The following LGR5 variants were observed in gnomAD, a reference collection of about 807,000 sequenced individuals.
LGR5 encodes leucine rich repeat containing G protein-coupled receptor 5.
A neutral mutation model predicts 76.7 loss-of-function variants in LGR5; 54 were observed. The ratio of observed to expected loss-of-function variants is 0.70; its 90% CI spans 0.57 to 0.88. LGR5 has a LOEUF of 0.88. Ranked by LOEUF, LGR5 falls within the 40% of genes least tolerant of loss-of-function variation. The pLI, the probability that LGR5 is intolerant of heterozygous loss-of-function variation, is 0.00. For missense variants in LGR5, 1,078 were observed against 1,073.3 expected, an observed-to-expected ratio of 1.00 and a Z score of -0.06; for synonymous variants, 406 against 421.9, an observed-to-expected ratio of 0.96 and a Z score of 0.46.
intron 4 of LGR5, among the ~76,000 whole-genome samples, chr12:71,545,335 C>G (rs1565740108): frequency 1.3e-5 from 2 of 152,086 alleles, no homozygotes; most frequent in Admixed American, 1.3e-4. Flanking sequence ...GTGGTCCCAG[C>G]TGCTCTGCTG....
At chr12:71,556,833 C>T (rs998526365) in intron 6 of LGR5, 143 bp downstream of exon 6, 4 of 664,172 alleles carry the variant, frequency 6.0e-6, no homozygotes, top group South Asian at 3.6e-5. Context: ...CATTATCTTA[C>T]ACACACAACC....
At chr12:71,531,646 TC>T (rs1399771886) in intron 3 of LGR5, among the ~76,000 whole-genome samples, 12 of 152,062 alleles carry the variant, frequency 7.9e-5, no homozygotes, top group Non-Finnish European at 2.9e-5. Flanking sequence ...GGTGGGTAGA[TC>T]ATTTGAGGTC....
chr12:71,449,089 G>T (rs200968961), intron 1 of LGR5, among the ~76,000 whole-genome samples: 1 of 152,222 alleles, frequency 6.6e-6, no homozygotes, highest in African/African-American at 2.4e-5. Flanking sequence ...CAGGGGATAC[G>T]CTTCTCCTGT....
At chr12:71,559,975 T>C (rs1877975843) in intron 7 of LGR5, among the ~76,000 whole-genome samples, 1 of 152,218 alleles carries the variant, frequency 6.6e-6, no homozygotes, top group Admixed American at 6.5e-5. Context: ...TTTTTAGTAG[T>C]AGAACTAAAA....
intron 4 of LGR5, among the ~76,000 whole-genome samples, chr12:71,544,619 T>A (rs955633699): frequency 6.6e-6 from 1 of 151,426 alleles, no homozygotes; most frequent in African/African-American, 2.4e-5. Context: ...GGATTCAAGC[T>A]GTAAGAGTAC....
At chr12:71,562,284 A>G (rs928542118) in intron 8 of LGR5, among the ~76,000 whole-genome samples, 2 of 152,202 alleles carry the variant, frequency 1.3e-5, no homozygotes, top group East Asian at 1.9e-4. Flanking sequence ...GGGGTTTTAT[A>G]CTGTTTTGTG....
intron 8 of LGR5, among the ~76,000 whole-genome samples, chr12:71,563,215 A>G (rs899118590): frequency 6.6e-6 from 1 of 152,116 alleles, no homozygotes. Flanking sequence ...TTGCTCCTGC[A>G]TCTGTTTCCA....
chr12:71,457,620 G>A (rs1199375121), intron 1 of LGR5, among the ~76,000 whole-genome samples: 1 of 151,484 alleles, frequency 6.6e-6, no homozygotes, highest in African/African-American at 2.4e-5. Context: ...GATTTACATA[G>A]TTAGTGCTAT....
chr12:71,507,235 A>AATCAG (rs1376223788), intron 2 of LGR5, among the ~76,000 whole-genome samples: 1 of 152,204 alleles, frequency 6.6e-6, no homozygotes, highest in Non-Finnish European at 1.5e-5. Context: ...ACCTAGGTCA[A>AATCAG]AGCTAAGATT....
At chr12:71,475,332 A>C (rs1166314961) in intron 1 of LGR5, among the ~76,000 whole-genome samples, 1 of 152,230 alleles carries the variant, frequency 6.6e-6, no homozygotes, top group Non-Finnish European at 1.5e-5. Context: ...AATTTAAAAC[A>C]AAAGAAAAAG....
At chr12:71,462,806 C>T (rs1872732612) in intron 1 of LGR5, among the ~76,000 whole-genome samples, 2 of 152,138 alleles carry the variant, frequency 1.3e-5, no homozygotes, top group African/African-American at 4.8e-5. Flanking sequence ...CAACATTGTC[C>T]AGTGCTTCAA....
rs538989694 is a variant in LGR5 at position 71,553,059 on chromosome 12, T to G, written c.429-14T>G. 6.2e-6 allele frequency: 10 copies of G among 1,612,784 alleles called. No individual in the cohort carries two copies. The highest frequency in any genetic ancestry group is 8.5e-6 in the Non-Finnish European group (10 of 1,179,172). On this transcript the variant is annotated splice_polypyrimidine_tract_variant and intron_variant, in intron 4 of 17. Coordinates refer to ENST00000266674, the MANE Select transcript of LGR5 (RefSeq NM_003667.4). The stretch of plus-strand genomic sequence containing the variant: ...TTTGCTCTCTTTTCCATTCTTGCTT[T>G]CTTTCTTCCACAGGCGTCTGGATGC...
chr12:71,579,444 C>T (rs548688453), intron 15 of LGR5, among the ~76,000 whole-genome samples: 1 of 152,038 alleles, frequency 6.6e-6, no homozygotes, highest in East Asian at 1.9e-4. Flanking sequence ...AATAAAACCC[C>T]AAAAGAGAGT....
Position 71,566,925 on chromosome 12 carries a change from A to G in LGR5, c.1070+13A>G, listed in dbSNP as rs1177664179. ...ATCTCCAAGTGCTGTGCGTATCAGTAAGGCAATAATGTTGTGTAAACAGGC... is the reference window on the plus strand; with the variant it reads ...ATCTCCAAGTGCTGTGCGTATCAGTGAGGCAATAATGTTGTGTAAACAGGC... On this transcript the variant is annotated intron_variant, in intron 11 of 17. Coordinates refer to ENST00000266674, the MANE Select transcript of LGR5 (RefSeq NM_003667.4). 5.0e-6 allele frequency: 8 copies of G among 1,598,348 alleles called. No homozygotes were observed. The highest frequency in any genetic ancestry group is 6.0e-6 in the Non-Finnish European group (7 of 1,165,776).
At chr12:71,578,602 C>T (rs1490273449) in intron 14 of LGR5, among the ~76,000 whole-genome samples, 1 of 152,130 alleles carries the variant, frequency 6.6e-6, no homozygotes, top group African/African-American at 2.4e-5. Flanking sequence ...CAATTAAAAC[C>T]TTTTCTCCCC....
At chr12:71,464,640 C>G (rs1206944907) in intron 1 of LGR5, among the ~76,000 whole-genome samples, 3 of 152,052 alleles carry the variant, frequency 2.0e-5, no homozygotes, top group Non-Finnish European at 2.9e-5. Context: ...CTAGAGTAGA[C>G]AGAAGGGAAA....
At chr12:71,519,373 C>G (rs1875612119) in intron 2 of LGR5, among the ~76,000 whole-genome samples, 1 of 152,144 alleles carries the variant, frequency 6.6e-6, no homozygotes, top group Admixed American at 6.5e-5. Flanking sequence ...TTGCTTTTTT[C>G]AGAGCATTTT....
intron 12 of LGR5, among the ~76,000 whole-genome samples, chr12:71,572,410 G>A (rs1421078478): frequency 6.6e-6 from 1 of 152,122 alleles, no homozygotes; most frequent in Non-Finnish European, 1.5e-5. Context: ...TCACACTTCA[G>A]TTTTGATCAA....
intron 1 of LGR5, among the ~76,000 whole-genome samples, chr12:71,484,876 A>G (rs1236797516): frequency 6.6e-6 from 1 of 152,238 alleles, no homozygotes; most frequent in Non-Finnish European, 1.5e-5. Context: ...AAATTTTCAA[A>G]CGAGCTTTGG....
Sources: gnomAD v4.1 joint callset for allele counts (sites outside exome capture counted in the v4.1 genomes callset) on GRCh38, gnomAD v4.1.1 for gene constraint, MANE v1.5 for transcripts, NCBI Gene and HGNC (gene_info 2026-07-23, HGNC 2026-07-21) for gene names.